EPHB1: variants seen among roughly 807,000 people sequenced by gnomAD.
The protein encoded by EPHB1 is ephrin type-B receptor 1.
A neutral mutation model predicts 94.4 loss-of-function variants in EPHB1; 30 were observed. The observed-to-expected ratio is 0.32, with a 90% confidence interval of 0.24 to 0.43. EPHB1 has a LOEUF of 0.43. Among genes scored for constraint, EPHB1 ranks in the 20% least tolerant of loss-of-function variants. The pLI is 1.00. For missense variants in EPHB1, 1,055 were observed against 1,308.3 expected (o/e 0.81, Z 2.99); for synonymous variants, 522 against 489.1 (o/e 1.07, Z -0.89).
chr3:135,096,770 T>C (rs537174086), intron 3 of EPHB1, among the ~76,000 whole-genome samples: 4 of 152,316 alleles, frequency 2.6e-5, no homozygotes, highest in African/African-American at 9.6e-5. Flanking sequence ...CCCTCGTGAC[T>C]TAATTACTCC....
chr3:134,872,350 T>C (rs2037518037), intron 1 of EPHB1, among the ~76,000 whole-genome samples: 1 of 152,234 alleles, frequency 6.6e-6, no homozygotes, highest in African/African-American at 2.4e-5. Context: ...AGAGGCCCTT[T>C]GTGAGCAGTC....
At chr3:134,927,610 C>T (rs1447223992) in intron 2 of EPHB1, among the ~76,000 whole-genome samples, 2 of 152,230 alleles carry the variant, frequency 1.3e-5, no homozygotes, top group East Asian at 1.9e-4. Context: ...AAGGCCCCAA[C>T]ATAATTTATG....
intron 5 of EPHB1, among the ~76,000 whole-genome samples, chr3:135,150,333 G>T (rs1269334354): frequency 6.6e-6 from 1 of 152,204 alleles, no homozygotes; most frequent in Admixed American, 6.5e-5. Flanking sequence ...ACTGTCAGGA[G>T]CTATTTGTTC....
At chr3:135,099,769 C>A (rs1415969816) in intron 3 of EPHB1, among the ~76,000 whole-genome samples, 2 of 152,200 alleles carry the variant, frequency 1.3e-5, no homozygotes, top group African/African-American at 2.4e-5. Flanking sequence ...TCTTGCCCAC[C>A]AACACCACAC....
intron 1 of EPHB1, among the ~76,000 whole-genome samples, chr3:134,883,101 C>T (rs1404881468): frequency 3.3e-5 from 5 of 152,104 alleles, no homozygotes; most frequent in African/African-American, 4.8e-5. Flanking sequence ...GGATTACAGG[C>T]GTGAGCCACC....
chr3:135,178,707 G>A (rs1004635549), intron 9 of EPHB1, among the ~76,000 whole-genome samples: 1 of 152,052 alleles, frequency 6.6e-6, no homozygotes, highest in African/African-American at 2.4e-5. Context: ...TGCTAAAATG[G>A]AGCTCATGAA....
chr3:135,080,779 T>C (rs561685041), intron 3 of EPHB1, among the ~76,000 whole-genome samples: 1 of 152,266 alleles, frequency 6.6e-6, no homozygotes, highest in East Asian at 1.9e-4. Flanking sequence ...AATGGTATAA[T>C]AATAGCACCT....
intron 1 of EPHB1, among the ~76,000 whole-genome samples, chr3:134,800,537 C>G (rs779774130): frequency 6.6e-6 from 1 of 152,102 alleles, no homozygotes; most frequent in African/African-American, 2.4e-5. Flanking sequence ...ACCCTAAAAG[C>G]TCAGCAGGTT....
chr3:135,166,213 C>T, intron 8 of EPHB1, 137 bp downstream of exon 8: 2 of 636,864 alleles, frequency 3.1e-6, no homozygotes, highest in Non-Finnish European at 2.8e-6. Flanking sequence ...CCAAGAGCAG[C>T]CTAGAATTCT....
chr3:135,214,354 A>G (rs898746115), intron 12 of EPHB1, among the ~76,000 whole-genome samples: 12 of 151,814 alleles, frequency 7.9e-5, no homozygotes, highest in Non-Finnish European at 1.6e-4. Context: ...CAGCTCTTCC[A>G]TTTCCTCTAG....
rs1358476419 is a variant in EPHB1, at chr3:134,951,992, C to T, written c.745C>T (p.Pro249Ser). ...YCNGDGEWMVPIGRCTCKPGY... is the reference protein window; with the variant it reads ...YCNGDGEWMVSIGRCTCKPGY... Reference sequence around the variant, plus strand: ...CAACGGGGATGGGGAATGGATGGTGCCTATTGGGCGATGCACCTGCAAGCC... The same window carrying T: ...CAACGGGGATGGGGAATGGATGGTGTCTATTGGGCGATGCACCTGCAAGCC... The change falls in exon 3 of 16, where the codon CCT becomes TCT. Residue 249 changes from proline (P) to serine (S), a missense_variant. Physicochemically the swap from Pro to Ser is moderately conservative, Grantham distance 74 (BLOSUM62 -1). Coordinates refer to ENST00000398015, the MANE Select transcript of EPHB1 (RefSeq NM_004441.5). This position sits in a 1 kb window ranked among gnomAD's most constrained non-coding sequence, Gnocchi z 4.5. The T allele has an allele frequency of 1.1e-5, 17 of 1,613,848 alleles. No individual in the cohort carries two copies. Among genetic ancestry groups the T allele is most frequent in the Non-Finnish European group, 1.4e-5 (17 of 1,179,816 alleles).
chr3:135,048,224 C>CTT (rs71157318), intron 3 of EPHB1, among the ~76,000 whole-genome samples: 15,218 of 108,798 alleles, frequency 0.14, 1,555 homozygotes, highest in African/African-American at 0.3. Flanking sequence ...AAAAAATACT[C>CTT]TTTTTTTTTT....
At chr3:135,021,502 C>T (rs1935987040) in intron 3 of EPHB1, among the ~76,000 whole-genome samples, 2 of 151,082 alleles carry the variant, frequency 1.3e-5, no homozygotes, top group African/African-American at 4.9e-5. Context: ...GAAATCTCTC[C>T]CCCCACCCCC....
At chr3:135,000,216 G>A (rs1360594398) in intron 3 of EPHB1, among the ~76,000 whole-genome samples, 2 of 152,206 alleles carry the variant, frequency 1.3e-5, no homozygotes, top group East Asian at 3.8e-4. Flanking sequence ...GCCTGCTGTT[G>A]AAAAATGAGG....
intron 3 of EPHB1, among the ~76,000 whole-genome samples, chr3:135,062,276 C>T (rs937187598): frequency 6.6e-6 from 1 of 152,172 alleles, no homozygotes; most frequent in Non-Finnish European, 1.5e-5. Flanking sequence ...CACTATTTTT[C>T]ATAGTGGCTG....
intron 1 of EPHB1, among the ~76,000 whole-genome samples, chr3:134,922,430 T>A (rs2038707542): frequency 1.3e-5 from 2 of 152,360 alleles, no homozygotes; most frequent in Middle Eastern, 3.4e-3. Flanking sequence ...AAGAAATGGA[T>A]TTCTCTTGCT....
chr3:135,118,395 G>A (rs1406574247), intron 4 of EPHB1, among the ~76,000 whole-genome samples: 1 of 152,160 alleles, frequency 6.6e-6, no homozygotes, highest in African/African-American at 2.4e-5. Context: ...CCTCTGACAT[G>A]GTTTTTCTCA....
intron 2 of EPHB1, among the ~76,000 whole-genome samples, chr3:134,932,532 T>C (rs1422630399): frequency 6.6e-6 from 1 of 152,228 alleles, no homozygotes. Context: ...ATAAACTGGC[T>C]ATTTTTCTGG....
intron 3 of EPHB1, among the ~76,000 whole-genome samples, chr3:134,990,046 C>G (rs1480155244): frequency 6.6e-6 from 1 of 152,060 alleles, no homozygotes; most frequent in East Asian, 1.9e-4. Flanking sequence ...AAGAATGTAA[C>G]AATTCTTGGT....
Sources: gnomAD v4.1 joint callset for allele counts (sites outside exome capture counted in the v4.1 genomes callset) on GRCh38, gnomAD v4.1.1 for gene constraint, Gnocchi (gnomAD v3.1) non-coding constraint, MANE v1.5 for transcripts, NCBI Gene and HGNC (gene_info 2026-07-23, HGNC 2026-07-21) for gene names.